Variants in CTBP1 observed in about 807,000 individuals in gnomAD.
CTBP1 encodes C-terminal-binding protein 1.
In CTBP1, 11 loss-of-function variants were observed where a neutral mutation model predicts 42.1. That is an observed-to-expected ratio of 0.26 (90% CI 0.16 to 0.43). The LOEUF (loss-of-function observed/expected upper bound fraction) is 0.43, where lower values mean the gene tolerates loss of function less well. CTBP1 is among the 20% of genes least tolerant of loss of function. The pLI is 1.00. For missense variants in CTBP1, 399 were observed against 624.3 expected, an observed-to-expected ratio of 0.64 and a Z score of 3.85; for synonymous variants, 324 against 277.1, an observed-to-expected ratio of 1.17 and a Z score of -1.68.
chr4:1,213,213 C>T (rs74638263), intron 8 of CTBP1, among the ~76,000 whole-genome samples, 183 bp from the exon 9 acceptor site: 5,716 of 152,098 alleles, frequency 0.038, 144 homozygotes, highest in Middle Eastern at 0.066. Flanking sequence ...AGCGTGGGGA[C>T]CCCCAGCCCA....
At chr4:1,212,500 C>T in intron 9 of CTBP1, 77 bp from the exon 10 acceptor site, 2 of 1,281,980 alleles carry the variant, frequency 1.6e-6, no homozygotes, top group Non-Finnish European at 2.0e-6. Context: ...CTAGCATCGG[C>T]AGCACCGAGG....
chr4:1,242,360 C>A (rs751734753), intron 1 of CTBP1: 1 of 985,392 alleles, frequency 1.0e-6, no homozygotes, highest in Non-Finnish European at 1.2e-6. Context: ...TCAGGCTGAC[C>A]AGGACAGGAG....
intron 1 of CTBP1, chr4:1,243,609 CACT>C: frequency 1.0e-6 from 1 of 985,460 alleles, no homozygotes; most frequent in Non-Finnish European, 1.2e-6. Context: ...ACACCTGCCC[CACT>C]GAGAGCCAGT....
intron 6 of CTBP1, among the ~76,000 whole-genome samples, 158 bp from the exon 7 acceptor site, chr4:1,214,631 CG>C (rs1728910036): frequency 6.6e-6 from 1 of 152,248 alleles, no homozygotes; most frequent in Non-Finnish European, 1.5e-5. Flanking sequence ...CTGAAGGCCT[CG>C]GGCGTGCTGC....
At chr4:1,226,858 C>A (rs1015824160) in intron 4 of CTBP1, among the ~76,000 whole-genome samples, 1 of 151,740 alleles carries the variant, frequency 6.6e-6, no homozygotes, top group African/African-American at 2.4e-5. Flanking sequence ...TGCAGGAGAC[C>A]CCCAGATGGA....
intron 1 of CTBP1, chr4:1,245,074 C>T (rs2108804277): frequency 1.0e-6 from 1 of 983,954 alleles, no homozygotes; most frequent in African/African-American, 1.7e-5. Flanking sequence ...CAGACAAGGC[C>T]CGTCACCCAC....
At chr4:1,214,581 C>T (rs2108707816) in intron 6 of CTBP1, 108 bp from the exon 7 acceptor site, 5 of 1,352,522 alleles carry the variant, frequency 3.7e-6, no homozygotes, top group South Asian at 1.5e-5. Flanking sequence ...GCTCCCTAGC[C>T]CCTTCCCAGC....
intron 1 of CTBP1, chr4:1,248,514 AG>A (rs1035825209): frequency 8.5e-6 from 2 of 235,500 alleles, no homozygotes; most frequent in Non-Finnish European, 1.4e-5. Context: ...CCGGCCCCGC[AG>A]GCCCAGCCAC....
At chr4:1,241,704 G>A (rs750516247) in intron 1 of CTBP1, 185 bp from the exon 2 acceptor site, 375 of 1,232,168 alleles carry the variant, frequency 3.0e-4, no homozygotes, top group Non-Finnish European at 3.7e-4. Flanking sequence ...CCGCACACAC[G>A]AAGGGCGCTC....
rs1488037296 is a variant in CTBP1 at position 1,235,230 on chromosome 4, C to G, written c.162+2953G>C. 6.6e-6 allele frequency: 1 copy of G among 152,172 alleles called. No individual in the cohort carries two copies. The highest frequency in any genetic ancestry group is 6.5e-5 in the Admixed American group (1 of 15,280). The allele number at this position is 152,172 out of a possible 1,614,324, so 9.4% of individuals were successfully genotyped here. A position where few individuals can be genotyped will look rare whatever the true frequency, so the allele number is the denominator to read the frequency against. ...ACGTGCAGGTCTGTGTGTGGACGCG[C>G]ATTCCGAGTCTCCGGGATAAAGGAG... On this transcript the variant is annotated intron_variant, in intron 3 of 9. Transcript: ENST00000382952. The surrounding 1 kb of genome is among the most constrained non-coding windows in gnomAD (Gnocchi z 4.2).
At chr4:1,248,869 GCCCCGC>G in intron 1 of CTBP1, 41 bp downstream of exon 1, 6 of 319,222 alleles carry the variant, frequency 1.9e-5, no homozygotes, top group South Asian at 2.7e-4. Context: ...CACCCGCCCC[GCCCCGC>G]CCCCGCCCGC....
In CTBP1 at chr4:1,233,585, C is replaced by T. The variant is rs961206390; in HGVS notation, c.162+4598G>A. On this transcript the variant is annotated intron_variant, in intron 3 of 9. Coordinates refer to ENST00000382952, the MANE Select transcript of CTBP1 (RefSeq NM_001012614.2). This position sits in a 1 kb window ranked among gnomAD's most constrained non-coding sequence, Gnocchi z 4.6. ...GATGTGCAGTGCTGGGCTGAAAACCCTTCTCCTGTGGAAATTCCAAAGCAG... is the reference window on the plus strand; with the variant it reads ...GATGTGCAGTGCTGGGCTGAAAACCTTTCTCCTGTGGAAATTCCAAAGCAG... Among the ~76,000 whole-genome samples the T allele has an allele frequency of 6.6e-6, 1 of 152,110 alleles. No individual in the cohort carries two copies. The highest frequency in any genetic ancestry group is 1.5e-5 in the Non-Finnish European group (1 of 68,018).
intron 1 of CTBP1, chr4:1,242,029 G>A: frequency 1.0e-6 from 1 of 1,000,052 alleles, no homozygotes; most frequent in Non-Finnish European, 1.2e-6. Context: ...CATCCAGCCT[G>A]GCACTGCCTG....
intron 1 of CTBP1, chr4:1,248,693 C>A: frequency 3.1e-6 from 3 of 982,422 alleles, no homozygotes; most frequent in Non-Finnish European, 3.6e-6. Context: ...GAGCAGACTG[C>A]GGCGCTCGCG....
chr4:1,212,808 G>A (rs913354592), intron 9 of CTBP1, 105 bp downstream of exon 9: 3 of 952,800 alleles, frequency 3.1e-6, no homozygotes, highest in Non-Finnish European at 4.9e-6. Context: ...AGATCCTCCA[G>A]GTCAGTCAGT....
chr4:1,241,572 A>C, intron 1 of CTBP1, 53 bp from the exon 2 acceptor site: 1 of 1,513,636 alleles, frequency 6.6e-7, no homozygotes, highest in Admixed American at 2.0e-5. Flanking sequence ...GTCCGACCAG[A>C]ACTCACAGAC....
intron 5 of CTBP1, among the ~76,000 whole-genome samples, chr4:1,222,049 C>T (rs948289264): frequency 1.4e-4 from 21 of 152,180 alleles, no homozygotes; most frequent in African/African-American, 4.8e-4. Flanking sequence ...GCGGATTCCA[C>T]GCTAAGAACA....
chr4:1,242,025 G>T, intron 1 of CTBP1: 1 of 999,738 alleles, frequency 1.0e-6, no homozygotes, highest in South Asian at 4.4e-5. Flanking sequence ...CCAGCATCCA[G>T]CCTGGCACTG....
chr4:1,212,497 C>T (rs1217355091), intron 9 of CTBP1, 74 bp from the exon 10 acceptor site: 5 of 1,291,550 alleles, frequency 3.9e-6, no homozygotes, highest in African/African-American at 3.1e-5. Flanking sequence ...CTCCTAGCAT[C>T]GGCAGCACCG....
Sources: allele counts gnomAD v4.1 joint callset (sites outside exome capture counted in the v4.1 genomes callset), GRCh38; gene constraint gnomAD v4.1.1; non-coding constraint Gnocchi (gnomAD v3.1); transcripts MANE v1.5; gene names NCBI Gene and HGNC (gene_info 2026-07-23, HGNC 2026-07-21).